The following GP2 variants were observed in gnomAD, a reference collection of about 807,000 sequenced individuals.
The protein encoded by GP2 is pancreatic secretory granule membrane major glycoprotein GP2.
In GP2, 58 loss-of-function variants were observed where a neutral mutation model predicts 60.8. The observed-to-expected ratio is 0.95, with a 90% CI of 0.77 to 1.19. The LOEUF is 1.19. GP2 is among the 50% of genes most tolerant of loss of function. The probability of loss-of-function intolerance (pLI) is 0.00; values close to 1 mark genes in which losing one functional copy is unlikely to be tolerated. For synonymous variants in GP2, 280 were observed against 253.4 expected, an observed-to-expected ratio of 1.10 and a Z score of -1.00; for missense variants, 647 against 667.4, an observed-to-expected ratio of 0.97 and a Z score of 0.34.
At position 20,324,093 on chromosome 16, in the gene GP2, A is replaced by G. The variant is rs1311293053; in HGVS notation, c.258T>C (p.Asp86=). The stretch of plus-strand genomic sequence containing the variant: ...AGCGGTACCAGCCGCTCATGTTTTT[A>G]TCGCACCCCTGGGACCCTGCTGAGT... ...TENSAGSQGC[D]KNMSGWYRFV... is the part of the protein sequence containing the mutation. The change falls in exon 3 of 11, where the codon GAT becomes GAC. Residue 86 remains aspartate, a synonymous_variant. Coordinates refer to ENST00000302555, the MANE Select transcript of GP2 (RefSeq NM_001502.4). 2.5e-6 allele frequency: 4 copies of G among 1,614,070 alleles called. No homozygotes were observed. Among genetic ancestry groups the G allele is most frequent in the African/African-American group, 1.3e-5 (1 of 75,014 alleles).
At position 20,322,915 on chromosome 16, in the gene GP2, G is replaced by A; in HGVS notation, c.600C>T (p.Leu200=). 2 of 1,613,050 alleles carry A rather than the reference G, an allele frequency of 1.2e-6. No homozygotes were observed. The highest frequency in any genetic ancestry group is 1.7e-6 in the Non-Finnish European group (2 of 1,179,024). The change falls in exon 4 of 11, where the codon CTC becomes CTT. Residue 200 remains leucine (L), a synonymous_variant. Transcript: ENST00000302555. The stretch of plus-strand genomic sequence containing the variant: ...TGCAGAAACAGCCCCAGGTGCTGTT[G>A]AGGGCAAGGCACTCCTCCTCGGGGC... The part of the protein sequence containing the change: ...ACRPEEECLA[L]NSTWGCFCRQ...
chr16:20,320,541 G>T (rs1486005819), intron 4 of GP2, 68 bp from the exon 5 acceptor site: 5 of 1,001,598 alleles, frequency 5.0e-6, no homozygotes, highest in Non-Finnish European at 7.8e-6. Context: ...CTACTCTTTG[G>T]TAACATCTCC....
rs1567283300 is a variant in GP2, at chr16:20,310,763, T to C, written c.*460A>G. ...CACTATGTTGCTTTTCTTTTTTTTT[T>C]TTTTTTTTCCTGAGACAGAGTCTTG... On this transcript the variant is annotated 3_prime_UTR_variant, in exon 11 of 11. Transcript: ENST00000302555. 6.6e-6 allele frequency: 1 copy of C among 151,978 alleles called. No individual in the cohort carries two copies. Among genetic ancestry groups the C allele is most frequent in the Admixed American group, 6.6e-5 (1 of 15,222 alleles). 9.4% of individuals were successfully genotyped at this position (151,978 alleles called of 1,614,324 possible).
chr16:20,327,385 A>C (rs1596530918), intron 1 of GP2, 82 bp downstream of exon 1: 1 of 1,052,934 alleles, frequency 9.5e-7, no homozygotes, highest in East Asian at 6.0e-5. Flanking sequence ...AATTTCCAGA[A>C]ACAAAGAATC....
Position 20,320,435 on chromosome 16 carries a change from T to G in GP2, c.685A>C (p.Arg229=). 1 of 1,613,996 alleles carries G rather than the reference T, an allele frequency of 6.2e-7. No individual in the cohort carries two copies. Among genetic ancestry groups the G allele is most frequent in the Non-Finnish European group, 8.5e-7 (1 of 1,179,872 alleles). Residue 229 remains arginine (R), a synonymous_variant, in exon 5 of 11, where the codon AGG becomes CGG. Coordinates refer to ENST00000302555, the MANE Select transcript of GP2 (RefSeq NM_001502.4). ...SLQPQLDCGP[R]EIKVKVDKCL... is the part of the protein sequence containing the mutation. ...TTGTCCACCTTCACCTTGATCTCCCTGGGCCCACAGTCTAGCTGAGGCTGC... is the reference window on the plus strand; with the variant it reads ...TTGTCCACCTTCACCTTGATCTCCCGGGGCCCACAGTCTAGCTGAGGCTGC...
chr16:20,324,263 A>G lies in GP2; in HGVS notation c.95-7T>C. 1.3e-6 allele frequency: 2 copies of G among 1,580,658 alleles called. No individual in the cohort carries two copies. The highest frequency in any genetic ancestry group is 2.3e-5 in the South Asian group (2 of 87,414). ...TCAATGGGGTTTCCATAACCTGGGA[A>G]AGTGACAGAGTGCAGTTGGGTTTAC... On this transcript the variant is annotated splice_region_variant and splice_polypyrimidine_tract_variant and intron_variant, in intron 2 of 10. Coordinates refer to ENST00000302555, the MANE Select transcript of GP2 (RefSeq NM_001502.4).
Position 20,324,268 on chromosome 16 carries a change from A to G in GP2, c.95-12T>C, listed in dbSNP as rs1364671134. On this transcript the variant is annotated splice_polypyrimidine_tract_variant and intron_variant, in intron 2 of 10. Transcript: ENST00000302555. Reference sequence around the variant, plus strand: ...GGGGTTTCCATAACCTGGGAAAGTGACAGAGTGCAGTTGGGTTTACTGAGC... The same window carrying G: ...GGGGTTTCCATAACCTGGGAAAGTGGCAGAGTGCAGTTGGGTTTACTGAGC... The G allele has an allele frequency of 1.3e-6, 2 of 1,570,210 alleles. No individual in the cohort carries two copies. Among genetic ancestry groups the G allele is most frequent in the African/African-American group, 1.4e-5 (1 of 73,844 alleles).
intron 2 of GP2, 82 bp downstream of exon 2, chr16:20,326,256 C>A (rs1395618607): frequency 7.5e-7 from 1 of 1,325,548 alleles, no homozygotes; most frequent in East Asian, 2.3e-5. Context: ...TCTTCCTTAC[C>A]TGAGCCACCT....
At chr16:20,322,134 T>C (rs1567291010) in intron 4 of GP2, among the ~76,000 whole-genome samples, 1 of 152,336 alleles carries the variant, frequency 6.6e-6, no homozygotes, top group Admixed American at 6.5e-5. Context: ...TGTGTCATGC[T>C]CCTTCTTGTC....
At chr16:20,312,077 A>G (rs917256934) in intron 10 of GP2, among the ~76,000 whole-genome samples, 2 of 152,224 alleles carry the variant, frequency 1.3e-5, no homozygotes, top group African/African-American at 2.4e-5. Context: ...CATTGAGACC[A>G]TTGCCTGGCA....
chr16:20,317,588 C>T (rs142118717), intron 7 of GP2, among the ~76,000 whole-genome samples: 4 of 152,314 alleles, frequency 2.6e-5, no homozygotes, highest in South Asian at 2.1e-4. Context: ...GCCTGACCCA[C>T]GTTCTAGCTA....
intron 2 of GP2, among the ~76,000 whole-genome samples, chr16:20,325,503 A>G (rs1389765191): frequency 1.3e-5 from 2 of 152,216 alleles, no homozygotes; most frequent in African/African-American, 4.8e-5. Context: ...CTTGGAATAT[A>G]TACACCTCAT....
chr16:20,322,685 A>G (rs1964401207), intron 4 of GP2, among the ~76,000 whole-genome samples, 184 bp downstream of exon 4: 1 of 152,068 alleles, frequency 6.6e-6, no homozygotes, highest in African/African-American at 2.4e-5. Flanking sequence ...ATTTGCTCCA[A>G]CCCTGCCCTC....
chr16:20,312,656 CTT>C (rs200478553), intron 10 of GP2, among the ~76,000 whole-genome samples: 23 of 144,234 alleles, frequency 1.6e-4, no homozygotes, highest in Non-Finnish European at 1.2e-4. Flanking sequence ...CTTCAAGCTG[CTT>C]TTTTTTTTTT....
In GP2 at chr16:20,324,245, G is replaced by A. The variant is rs1964463618; in HGVS notation, c.106C>T (p.Pro36Ser). 3.1e-6 allele frequency: 5 copies of A among 1,596,020 alleles called. No homozygotes were observed. The highest frequency in any genetic ancestry group is 1.3e-5 in the African/African-American group (1 of 74,366). The change falls in exon 3 of 11, where the codon CCC (proline) becomes TCC (serine). Residue 36 changes from proline to serine, a missense_variant. Transcript: ENST00000302555. ...AGCCCATACGAACTGGCTTCAATGGGGTTTCCATAACCTGGGAAAGTGACA... is the reference window on the plus strand; with the variant it reads ...AGCCCATACGAACTGGCTTCAATGGAGTTTCCATAACCTGGGAAAGTGACA... Reference protein sequence around the residue: ...ASAVQRGYGNPIEASSYGLDL... With the variant: ...ASAVQRGYGNSIEASSYGLDL...
At chr16:20,326,302 T>C (rs1248682975) in intron 2 of GP2, 36 bp downstream of exon 2, 1 of 1,604,834 alleles carries the variant, frequency 6.2e-7, no homozygotes. Flanking sequence ...TAGGTCTTCC[T>C]TGACATCTGA....
At chr16:20,314,141 G>A (rs142225598) in intron 10 of GP2, among the ~76,000 whole-genome samples, 1 of 151,640 alleles carries the variant, frequency 6.6e-6, no homozygotes, top group African/African-American at 2.4e-5. Context: ...TTAAAACCTA[G>A]ATGACAGGTT....
rs1349271236 is a variant in GP2 at position 20,324,259 on chromosome 16, G to C, written c.95-3C>G. On this transcript the variant is annotated splice_region_variant and splice_polypyrimidine_tract_variant and intron_variant, in intron 2 of 10. Transcript: ENST00000302555. ...GGCTTCAATGGGGTTTCCATAACCT[G>C]GGAAAGTGACAGAGTGCAGTTGGGT... 3.8e-6 allele frequency: 6 copies of C among 1,585,084 alleles called. No individual in the cohort carries two copies. The highest frequency in any genetic ancestry group is 5.2e-6 in the Non-Finnish European group (6 of 1,161,024).
chr16:20,314,216 T>C (rs1426420782), intron 10 of GP2, among the ~76,000 whole-genome samples: 4 of 149,792 alleles, frequency 2.7e-5, no homozygotes, highest in Admixed American at 6.7e-5. Context: ...GTTCTGCTCA[T>C]GTATCCCAGA....
Sources: allele counts gnomAD v4.1 joint callset (sites outside exome capture counted in the v4.1 genomes callset), GRCh38; gene constraint gnomAD v4.1.1; transcripts MANE v1.5; gene names NCBI Gene and HGNC (gene_info 2026-07-23, HGNC 2026-07-21).